The following HELQ variants were observed in gnomAD, a reference collection of about 807,000 sequenced individuals.
The protein encoded by HELQ is helicase, POLQ like.
HELQ carries 77 observed loss-of-function variants against 111.6 expected under a neutral mutation model. The ratio of observed to expected loss-of-function variants is 0.69; its 90% CI spans 0.57 to 0.83. The LOEUF (loss-of-function observed/expected upper bound fraction) is 0.83, where lower values mean the gene tolerates loss of function less well. HELQ is among the 40% of genes least tolerant of loss of function. The pLI is 0.00. For missense variants in HELQ, 1,200 were observed against 1,288.5 expected (o/e 0.93, Z 1.05); for synonymous variants, 438 against 454.7 (o/e 0.96, Z 0.47).
At position 83,429,573 on chromosome 4, in the gene HELQ, C is replaced by T. The variant is rs751369936; in HGVS notation, c.2469G>A (p.Glu823=). 6.1e-5 allele frequency: 98 copies of T among 1,612,044 alleles called. No homozygotes were observed. The highest frequency in any genetic ancestry group is 8.1e-5 in the Non-Finnish European group (96 of 1,179,068). Residue 823 remains glutamate (E), a synonymous_variant, in exon 12 of 18, where the codon GAG becomes GAA. Coordinates refer to ENST00000295488, the MANE Select transcript of HELQ (RefSeq NM_133636.5). ...QKDTIYKSEE[E]VQYNFHITKL... ...TTGTAATATGAAAATTATATTGGAC[C>T]TCTTCTTCAGACTTATAAATAGTGT... is the stretch of plus-strand genomic sequence containing the variant.
chr4:83,416,852 T>C lies in HELQ; in HGVS notation c.3077A>G (p.Gln1026Arg). The C allele has an allele frequency of 6.2e-7, 1 of 1,605,674 alleles. No homozygotes were observed. Among genetic ancestry groups the C allele is most frequent in the Non-Finnish European group, 8.5e-7 (1 of 1,177,368 alleles). ...VTGVLEGRAK[Q>R]LYSAGYKSLM... ...ACTTTTGTAACCTGCACTGTATAAC[T>C]GTTTTGCTCGACCCTGAAAAGTGTT... is the stretch of plus-strand genomic sequence containing the variant. The change falls in exon 17 of 18, where the codon CAG becomes CGG. Residue 1026 changes from glutamine (Q) to arginine (R), a missense_variant. By Grantham distance (43) the Gln-to-Arg change is conservative. Transcript: ENST00000295488.
intron 14 of HELQ, among the ~76,000 whole-genome samples, chr4:83,423,121 AG>A (rs1170342156): frequency 3.9e-5 from 6 of 152,136 alleles, no homozygotes; most frequent in Non-Finnish European, 2.9e-5. Flanking sequence ...AACTTAAAAA[AG>A]AAAAAGTAGG....
intron 17 of HELQ, among the ~76,000 whole-genome samples, chr4:83,409,350 A>C (rs867881597): frequency 1.3e-5 from 2 of 152,120 alleles, no homozygotes; most frequent in Non-Finnish European, 2.9e-5. Flanking sequence ...GGAGATCGAG[A>C]CCATCCTGGC....
chr4:83,427,178 CTTTTTTTT>C, intron 13 of HELQ, among the ~76,000 whole-genome samples: 1 of 151,616 alleles, frequency 6.6e-6, no homozygotes, highest in South Asian at 2.1e-4. Context: ...ATCTTTTTTT[CTTTTTTTT>C]AACCTTTACT....
chr4:83,453,708 C>T lies in HELQ; in HGVS notation c.535G>A (p.Gly179Arg), dbSNP rs1341769258. ...QTDKHTENQS[G>R]YEGVTIEPGA... ...GGTTCAATAGTGACACCTTCATATC[C>T]ACTCTGGTTCTCTGTGTGCTTATCA... Residue 179 changes from glycine (G) to arginine (R), a missense_variant, in exon 2 of 18, where the codon GGA becomes AGA. Transcript: ENST00000295488. The T allele has an allele frequency of 1.2e-6, 2 of 1,613,978 alleles. No individual in the cohort carries two copies. The highest frequency in any genetic ancestry group is 4.5e-5 in the East Asian group (2 of 44,886).
At chr4:83,430,100 C>T (rs1222279423) in intron 11 of HELQ, among the ~76,000 whole-genome samples, 1 of 151,742 alleles carries the variant, frequency 6.6e-6, no homozygotes, top group East Asian at 1.9e-4. Flanking sequence ...TAGGGATCTT[C>T]CCTGCACTGC....
chr4:83,435,613 A>G (rs534701605), intron 9 of HELQ, among the ~76,000 whole-genome samples: 1 of 152,242 alleles, frequency 6.6e-6, no homozygotes, highest in South Asian at 2.1e-4. Context: ...TGTGGGATAT[A>G]AGAGGCAGTG....
chr4:83,434,582 C>A (rs541787431), intron 9 of HELQ, among the ~76,000 whole-genome samples: 1 of 152,072 alleles, frequency 6.6e-6, no homozygotes, highest in African/African-American at 2.4e-5. Context: ...CCCACCTCAG[C>A]CTCTCGAGCA....
intron 2 of HELQ, among the ~76,000 whole-genome samples, chr4:83,449,761 C>T (rs1721248377): frequency 6.6e-6 from 1 of 150,730 alleles, no homozygotes; most frequent in Non-Finnish European, 1.5e-5. Flanking sequence ...AATACATGGC[C>T]AATAAGCAGC....
chr4:83,430,354 C>T (rs1249171854), intron 11 of HELQ, among the ~76,000 whole-genome samples: 2 of 151,500 alleles, frequency 1.3e-5, no homozygotes, highest in Non-Finnish European at 2.9e-5. Flanking sequence ...CAGCGTCAGA[C>T]AATATTTTGC....
At chr4:83,452,974 T>G (rs979157818) in intron 2 of HELQ, among the ~76,000 whole-genome samples, 1 of 151,912 alleles carries the variant, frequency 6.6e-6, no homozygotes, top group Non-Finnish European at 1.5e-5. Context: ...TTCTTATAGA[T>G]GAGGAATTAG....
chr4:83,416,198 T>C (rs1257457735), intron 17 of HELQ, among the ~76,000 whole-genome samples: 1 of 151,758 alleles, frequency 6.6e-6, no homozygotes, highest in Non-Finnish European at 1.5e-5. Flanking sequence ...TCCACCTGCC[T>C]CGGCCTCCCA....
chr4:83,419,923 T>C (rs1234412138), intron 15 of HELQ, among the ~76,000 whole-genome samples: 2 of 152,172 alleles, frequency 1.3e-5, no homozygotes, highest in Non-Finnish European at 2.9e-5. Flanking sequence ...TTAGCACATA[T>C]GATAGAATTA....
chr4:83,410,051 G>A (rs11945363), intron 17 of HELQ, among the ~76,000 whole-genome samples: 1,939 of 152,098 alleles, frequency 0.013, 44 homozygotes, highest in African/African-American at 0.044. Flanking sequence ...AGAAGTTAGA[G>A]ACCAGCCTGG....
chr4:83,452,653 CG>C (rs1721454842), intron 2 of HELQ, among the ~76,000 whole-genome samples: 1 of 152,006 alleles, frequency 6.6e-6, no homozygotes, highest in African/African-American at 2.4e-5. Flanking sequence ...ACTAGACAAT[CG>C]GGGTCAAAAA....
chr4:83,408,129 A>G (rs1384517565), intron 17 of HELQ, among the ~76,000 whole-genome samples: 1 of 152,212 alleles, frequency 6.6e-6, no homozygotes, highest in East Asian at 1.9e-4. Context: ...AATAAGAATA[A>G]TAAGTAAACT....
chr4:83,429,402 G>A (rs1578081123), intron 12 of HELQ, 122 bp downstream of exon 12: 1 of 702,178 alleles, frequency 1.4e-6, no homozygotes, highest in East Asian at 2.7e-5. Context: ...GCTCCCCTTG[G>A]CCTCCCAGAG....
chr4:83,444,466 C>A (rs1461006715), intron 5 of HELQ, among the ~76,000 whole-genome samples: 1 of 143,672 alleles, frequency 7.0e-6, no homozygotes, highest in East Asian at 2.0e-4. Context: ...CTGCAACCTC[C>A]ACCTCCTGGG....
intron 4 of HELQ, among the ~76,000 whole-genome samples, chr4:83,446,495 C>G (rs1721055887): frequency 6.6e-6 from 1 of 151,984 alleles, no homozygotes; most frequent in African/African-American, 2.4e-5. Flanking sequence ...TTAGTAGAGA[C>G]AGGGTTTCAC....
Sources: allele counts gnomAD v4.1 joint callset (sites outside exome capture counted in the v4.1 genomes callset), GRCh38; gene constraint gnomAD v4.1.1; transcripts MANE v1.5; gene names NCBI Gene and HGNC (gene_info 2026-07-23, HGNC 2026-07-21).